Variants in ST18 observed in about 807,000 individuals in gnomAD.
The protein encoded by ST18 is suppression of tumorigenicity 18 protein.
A neutral mutation model predicts 110.0 loss-of-function variants in ST18; 50 were observed. That is an observed-to-expected ratio of 0.45 (90% CI 0.36 to 0.58). ST18 has a LOEUF of 0.58. Among genes scored for constraint, ST18 ranks in the 20% least tolerant of loss-of-function variants. The pLI is 0.00. For synonymous variants in ST18, 461 were observed against 452.4 expected, an observed-to-expected ratio of 1.02 and a Z score of -0.24; for missense variants, 1,306 against 1,280.1, an observed-to-expected ratio of 1.02 and a Z score of -0.31.
intron 16 of ST18, among the ~76,000 whole-genome samples, chr8:52,146,261 C>T (rs1436622543): frequency 1.3e-5 from 2 of 152,128 alleles, no homozygotes; most frequent in East Asian, 1.9e-4. Context: ...TTTTTGTGGT[C>T]ACATTGCATG....
Position 52,133,047 on chromosome 8 carries a change from T to C in ST18, c.2444+10A>G. ...ACAGCTGACCCCCATGTCTCAACTG[T>C]TGCACTTACTTCAGTTCAGGGTCTT... On this transcript the variant is annotated intron_variant, in intron 21 of 25. Coordinates refer to ENST00000689386, the MANE Select transcript of ST18 (RefSeq NM_001352837.2). 6.2e-7 allele frequency: 1 copy of C among 1,614,052 alleles called. No individual in the cohort carries two copies. The highest frequency in any genetic ancestry group is 8.5e-7 in the Non-Finnish European group (1 of 1,179,948).
chr8:52,324,314 G>C (rs1805307185), intron 2 of ST18, among the ~76,000 whole-genome samples: 1 of 151,722 alleles, frequency 6.6e-6, no homozygotes, highest in South Asian at 2.1e-4. Context: ...TGGATGGATG[G>C]ATGGATGGAT....
intron 2 of ST18, among the ~76,000 whole-genome samples, chr8:52,276,312 A>T (rs2095263350): frequency 6.7e-6 from 1 of 148,174 alleles, no homozygotes; most frequent in Non-Finnish European, 1.5e-5. Flanking sequence ...ACCACACCTC[A>T]CACAAACACA....
chr8:52,261,104 T>A (rs1046428935), intron 2 of ST18, among the ~76,000 whole-genome samples: 2 of 152,186 alleles, frequency 1.3e-5, no homozygotes, highest in African/African-American at 2.4e-5. Context: ...GAGGATGATA[T>A]GCCGTGCTGA....
In ST18 at chr8:52,158,924, T is replaced by C. The variant is rs2060685561; in HGVS notation, c.1780A>G (p.Asn594Asp). Reference protein sequence around the residue: ...RCREATDILSNKPQSLHAKGA... With the variant: ...RCREATDILSDKPQSLHAKGA... Reference sequence around the variant, plus strand: ...TTGGCATGCAGACTCTGTGGCTTGTTGGAGAGGATGTCTGTGGCTTCCCTG... The same window carrying C: ...TTGGCATGCAGACTCTGTGGCTTGTCGGAGAGGATGTCTGTGGCTTCCCTG... The change falls in exon 15 of 26, where the codon AAC becomes GAC. Residue 594 changes from asparagine (N) to aspartate (D), a missense_variant. Transcript: ENST00000689386. 1 of 1,614,030 alleles carries C rather than the reference T, an allele frequency of 6.2e-7. No individual in the cohort carries two copies. Among genetic ancestry groups the C allele is most frequent in the Non-Finnish European group, 8.5e-7 (1 of 1,179,890 alleles).
At chr8:52,355,363 C>T (rs1391070905) in intron 2 of ST18, among the ~76,000 whole-genome samples, 2 of 152,202 alleles carry the variant, frequency 1.3e-5, no homozygotes, top group Non-Finnish European at 1.5e-5. Flanking sequence ...TAGTTTCATC[C>T]TCCCAACTGT....
intron 2 of ST18, among the ~76,000 whole-genome samples, chr8:52,359,916 C>T (rs1410869031): frequency 6.6e-6 from 1 of 152,116 alleles, no homozygotes; most frequent in Non-Finnish European, 1.5e-5. Flanking sequence ...TTGGAATGTG[C>T]CATTTGCCTT....
At position 52,329,919 on chromosome 8, in the gene ST18, G is replaced by C. The variant is rs181330414; in HGVS notation, c.-465+79409C>G. Among the ~76,000 whole-genome samples, 175 of 152,280 alleles carry C rather than the reference G, an allele frequency of 1.1e-3. 1 individual carries two copies. The highest frequency in any genetic ancestry group is 4.0e-3 in the African/African-American group (165 of 41,560). The stretch of plus-strand genomic sequence containing the variant: ...AAAGGATCAGCCATCTGTTTTCGTA[G>C]CTAATAGTGGGTTGGCTAGTGAATG... On this transcript the variant is annotated intron_variant, in intron 2 of 25. Transcript: ENST00000689386.
chr8:52,125,907 TTTTAG>T, intron 23 of ST18, 140 bp downstream of exon 23: 1 of 676,564 alleles, frequency 1.5e-6, no homozygotes, highest in Non-Finnish European at 2.4e-6. Flanking sequence ...AAAGTTATAA[TTTTAG>T]TTCAAATCTG....
Position 52,301,242 on chromosome 8 carries a change from T to C in ST18, c.-464-71165A>G, listed in dbSNP as rs142402566. 5.9e-3 allele frequency among the ~76,000 whole-genome samples: 891 copies of C among 152,280 alleles called. 5 individuals are homozygous for C. The highest frequency in any genetic ancestry group is 0.02 in the African/African-American group (846 of 41,568). On this transcript the variant is annotated intron_variant, in intron 2 of 25. Transcript: ENST00000689386. The stretch of plus-strand genomic sequence containing the variant: ...GAGGAAAAAATTAGAAAAACAATCT[T>C]TTCAATTTATTTTCCTAAAATTGTA...
Position 52,323,559 on chromosome 8 carries a change from T to A in ST18, c.-465+85769A>T, listed in dbSNP as rs530829660. Among the ~76,000 whole-genome samples the A allele has an allele frequency of 2.0e-5, 3 of 152,328 alleles. No individual in the cohort carries two copies. The East Asian group carries it at 5.8e-4, about 29-fold the overall frequency. The stretch of plus-strand genomic sequence containing the variant: ...TTTTCCTGCTGGAGATGGTGTTTAG[T>A]GCCACAGTGAGAACTAGAGAGGAAT... On this transcript the variant is annotated intron_variant, in intron 2 of 25. Transcript: ENST00000689386.
intron 2 of ST18, among the ~76,000 whole-genome samples, chr8:52,390,691 G>A (rs1055465138): frequency 6.6e-6 from 1 of 152,194 alleles, no homozygotes; most frequent in Admixed American, 6.5e-5. Flanking sequence ...GAGGACAGCA[G>A]CTGAACAATG....
chr8:52,115,872 G>A (rs1425156990), intron 25 of ST18, among the ~76,000 whole-genome samples: 2 of 152,034 alleles, frequency 1.3e-5, no homozygotes, highest in Admixed American at 1.3e-4. Flanking sequence ...AGTCCATTGG[G>A]AATTGAACAT....
chr8:52,191,798 C>A (rs1326873905), intron 8 of ST18, among the ~76,000 whole-genome samples: 1 of 152,160 alleles, frequency 6.6e-6, no homozygotes, highest in African/African-American at 2.4e-5. Flanking sequence ...AGAAAATATG[C>A]GGGCCCATGG....
chr8:52,249,961 C>T (rs898855354), intron 2 of ST18, among the ~76,000 whole-genome samples: 6 of 151,988 alleles, frequency 3.9e-5, no homozygotes, highest in Non-Finnish European at 7.4e-5. Context: ...TTCCTCCTTC[C>T]TCCCCCCGAC....
intron 2 of ST18, among the ~76,000 whole-genome samples, chr8:52,284,608 G>A (rs1564411329): frequency 6.6e-6 from 1 of 152,122 alleles, no homozygotes; most frequent in Non-Finnish European, 1.5e-5. Context: ...CACTCAAGGG[G>A]AGGCAGTGTC....
intron 2 of ST18, among the ~76,000 whole-genome samples, chr8:52,400,474 G>T (rs142883397): frequency 6.6e-6 from 1 of 151,824 alleles, no homozygotes; most frequent in Non-Finnish European, 1.5e-5. Flanking sequence ...AATTGTTTTC[G>T]GTTGTTTTGT....
intron 16 of ST18, among the ~76,000 whole-genome samples, chr8:52,144,811 A>G (rs1249330033): frequency 6.6e-6 from 1 of 152,156 alleles, no homozygotes; most frequent in African/African-American, 2.4e-5. Context: ...ACAGCAAAAT[A>G]GATGATTAAC....
chr8:52,365,112 T>TC (rs1827319712), intron 2 of ST18, among the ~76,000 whole-genome samples: 1 of 6,034 alleles, frequency 1.7e-4, no homozygotes, highest in African/African-American at 2.2e-4. Context: ...AGACTCTGTC[T>TC]TAAAAAAAAA....
Sources: gnomAD v4.1 joint callset for allele counts (sites outside exome capture counted in the v4.1 genomes callset) on GRCh38, gnomAD v4.1.1 for gene constraint, MANE v1.5 for transcripts, NCBI Gene and HGNC (gene_info 2026-07-23, HGNC 2026-07-21) for gene names.